DOCK2: variants seen among roughly 807,000 people sequenced by gnomAD.
DOCK2 encodes dedicator of cytokinesis protein 2.
In DOCK2, 87 loss-of-function variants were observed where a neutral mutation model predicts 248.9. The ratio of observed to expected loss-of-function variants is 0.35; its 90% CI spans 0.29 to 0.42. DOCK2 has a LOEUF of 0.42. Among genes scored for constraint, DOCK2 ranks in the 10% least tolerant of loss-of-function variants. DOCK2 has a pLI of 1.00. For synonymous variants in DOCK2, 805 were observed against 821.6 expected, an observed-to-expected ratio of 0.98 and a Z score of 0.35; for missense variants, 1,747 against 2,300.2, an observed-to-expected ratio of 0.76 and a Z score of 4.92.
chr5:169,643,694 C>G (rs1441012321), intron 1 of DOCK2, among the ~76,000 whole-genome samples: 4 of 152,190 alleles, frequency 2.6e-5, no homozygotes, highest in African/African-American at 9.7e-5. Context: ...TTGGGGACCC[C>G]TGTTCTAGGG....
chr5:169,974,711 A>G (rs1581493119), intron 27 of DOCK2, among the ~76,000 whole-genome samples: 1 of 152,038 alleles, frequency 6.6e-6, no homozygotes, highest in Non-Finnish European at 1.5e-5. Flanking sequence ...AATATACCGT[A>G]TTTTCCTGCA....
intron 6 of DOCK2, among the ~76,000 whole-genome samples, chr5:169,680,716 G>A (rs1317141202): frequency 6.6e-6 from 1 of 151,568 alleles, no homozygotes; most frequent in Non-Finnish European, 1.5e-5. Context: ...GCAAGACCCT[G>A]ACTCATTAAA....
intron 27 of DOCK2, among the ~76,000 whole-genome samples, chr5:169,849,408 A>C (rs1770500365): frequency 6.6e-6 from 1 of 152,164 alleles, no homozygotes; most frequent in African/African-American, 2.4e-5. Context: ...TGTATTGTAC[A>C]CTCCTAAGCG....
intron 16 of DOCK2, 41 bp downstream of exon 16, chr5:169,712,048 A>C: frequency 1.2e-6 from 2 of 1,611,822 alleles, no homozygotes; most frequent in Non-Finnish European, 8.5e-7. Flanking sequence ...CCTCCCCCTA[A>C]GGGGAGAAGA....
In DOCK2 at chr5:169,764,871, G is replaced by T. The variant is rs1429451000; in HGVS notation, c.2554+3246G>T. The stretch of plus-strand genomic sequence containing the variant: ...TGTTGTTGTTGTTGTTGTTGTTGTT[G>T]TTTTCAATTTTTATTGCCCTAGAAT... On this transcript the variant is annotated intron_variant, in intron 25 of 51. Coordinates refer to ENST00000520908, the MANE Select transcript of DOCK2 (RefSeq NM_004946.3). The surrounding 1 kb of genome is among the most constrained non-coding windows in gnomAD (Gnocchi z 4.3). Among the ~76,000 whole-genome samples the T allele has an allele frequency of 6.6e-6, 1 of 151,560 alleles. No individual in the cohort carries two copies. The highest frequency in any genetic ancestry group is 1.5e-5 in the Non-Finnish European group (1 of 67,994).
chr5:169,883,180 C>G (rs79381504), intron 27 of DOCK2: 6 of 1,551,520 alleles, frequency 3.9e-6, no homozygotes, highest in Admixed American at 2.0e-5. Flanking sequence ...ATCACCTGGA[C>G]GTGTGTCATC....
intron 34 of DOCK2, among the ~76,000 whole-genome samples, chr5:170,028,740 AACACACAC>A (rs59193270): frequency 3.3e-4 from 49 of 148,752 alleles, no homozygotes; most frequent in African/African-American, 7.9e-4. Flanking sequence ...CTGCTCTGCC[AACACACAC>A]ACACACACAC....
chr5:169,855,540 A>G (rs79331981), intron 27 of DOCK2, among the ~76,000 whole-genome samples: 4,271 of 152,284 alleles, frequency 0.028, 66 homozygotes, highest in Non-Finnish European at 0.043. Context: ...GGATGCAACT[A>G]GAGATATAAA....
At chr5:169,681,723 C>T in intron 6 of DOCK2, 21 bp from the exon 7 acceptor site, 1 of 1,611,434 alleles carries the variant, frequency 6.2e-7, no homozygotes, top group African/African-American at 1.3e-5. Flanking sequence ...TTTGTCTTCA[C>T]CTCCAGTTTT....
At chr5:169,683,722 T>G (rs1448538775) in intron 7 of DOCK2, among the ~76,000 whole-genome samples, 1 of 152,224 alleles carries the variant, frequency 6.6e-6, no homozygotes, top group Non-Finnish European at 1.5e-5. Context: ...TCATTTCCAC[T>G]TGTATTTTCT....
At position 170,079,191 on chromosome 5, in the gene DOCK2, T is replaced by C. The variant is rs369838778; in HGVS notation, c.5166+45T>C. 1.1e-4 allele frequency: 170 copies of C among 1,589,006 alleles called. No individual in the cohort carries two copies. In the African/African-American group the frequency reaches 2.1e-3, roughly 20 times the overall value. On this transcript the variant is annotated intron_variant, in intron 49 of 51. Transcript: ENST00000520908. ...TGCCTCTCCAGCGCTGTTAGCACAT[T>C]TCCACTACATGCTGGGCACAAAACC...
intron 25 of DOCK2, among the ~76,000 whole-genome samples, chr5:169,769,876 T>C (rs1435939214): frequency 1.3e-5 from 2 of 152,244 alleles, no homozygotes; most frequent in Non-Finnish European, 2.9e-5. Flanking sequence ...CTGTCTATAC[T>C]GATGGAATGA....
At chr5:170,043,936 A>G (rs1336404064) in intron 38 of DOCK2, among the ~76,000 whole-genome samples, 1 of 152,198 alleles carries the variant, frequency 6.6e-6, no homozygotes, top group Non-Finnish European at 1.5e-5. Context: ...TATTTTTTGC[A>G]TTGCCCTTTG....
intron 22 of DOCK2, among the ~76,000 whole-genome samples, chr5:169,739,379 A>G (rs1016154963): frequency 6.6e-6 from 1 of 152,212 alleles, no homozygotes; most frequent in South Asian, 2.1e-4. Context: ...TTATTCCCAC[A>G]TGAGAATGAG....
intron 51 of DOCK2, among the ~76,000 whole-genome samples, chr5:170,082,538 C>T (rs1178851447): frequency 6.6e-6 from 1 of 152,178 alleles, no homozygotes; most frequent in African/African-American, 2.4e-5. Context: ...TTTGAGCTCC[C>T]ACTCTTAGGA....
At chr5:169,948,325 G>A (rs990913506) in intron 27 of DOCK2, among the ~76,000 whole-genome samples, 1 of 152,122 alleles carries the variant, frequency 6.6e-6, no homozygotes, top group Non-Finnish European at 1.5e-5. Context: ...ACACATAAGT[G>A]TTATGAAAAA....
intron 27 of DOCK2, chr5:169,875,578 G>A (rs376024262): frequency 2.3e-4 from 52 of 230,324 alleles, no homozygotes; most frequent in African/African-American, 1.1e-3. Flanking sequence ...AATTGTGCAA[G>A]TGCCTCGCCT....
chr5:169,961,769 GGAGTTCAA>G (rs1274178985), intron 27 of DOCK2, among the ~76,000 whole-genome samples: 10 of 151,964 alleles, frequency 6.6e-5, no homozygotes, highest in Admixed American at 6.6e-4. Context: ...CTAGAAGTTA[GGAGTTCAA>G]GACCAGCCTG....
intron 27 of DOCK2, among the ~76,000 whole-genome samples, chr5:169,913,732 C>T (rs1774726746): frequency 6.6e-6 from 1 of 152,074 alleles, no homozygotes; most frequent in African/African-American, 2.4e-5. Flanking sequence ...CATTTTCTAG[C>T]CAAATTAGGT....
Sources: gnomAD v4.1 joint callset for allele counts (sites outside exome capture counted in the v4.1 genomes callset) on GRCh38, gnomAD v4.1.1 for gene constraint, Gnocchi (gnomAD v3.1) non-coding constraint, MANE v1.5 for transcripts, NCBI Gene and HGNC (gene_info 2026-07-23, HGNC 2026-07-21) for gene names.